The following PPA2 variants were observed in gnomAD, a reference collection of about 807,000 sequenced individuals.
PPA2 encodes inorganic pyrophosphatase 2.
In PPA2, 48 loss-of-function variants were observed where a neutral mutation model predicts 49.5. That is an observed-to-expected ratio of 0.97 (90% confidence interval 0.77 to 1.23). The LOEUF (loss-of-function observed/expected upper bound fraction) is 1.23. Ranked by LOEUF, PPA2 falls within the 50% of genes most tolerant of loss-of-function variation. The pLI is 0.00. For missense variants in PPA2, 429 were observed against 410.1 expected, an observed-to-expected ratio of 1.05 and a Z score of -0.40; for synonymous variants, 131 against 139.9, an observed-to-expected ratio of 0.94 and a Z score of 0.45.
chr4:105,440,836 G>C (rs1027446235), intron 5 of PPA2, among the ~76,000 whole-genome samples: 4 of 152,104 alleles, frequency 2.6e-5, no homozygotes, highest in African/African-American at 9.7e-5. Context: ...CATATGTTGA[G>C]AAATTAAGTA....
At position 105,455,222 on chromosome 4, in the gene PPA2, T is replaced by C. The variant is rs539400595; in HGVS notation, c.222+1459A>G. 2.0e-5 allele frequency among the ~76,000 whole-genome samples: 3 copies of C among 152,270 alleles called. No individual in the cohort carries two copies. The South Asian group carries it at 6.2e-4, about 32-fold the overall frequency. On this transcript the variant is annotated intron_variant, in intron 2 of 11. Coordinates refer to ENST00000341695, the MANE Select transcript of PPA2 (RefSeq NM_176869.3). ...AATGAATAAGTGAATGCATGCACTTTTAGCCAAAAGCAAAGAAAAGTGTTG... is the reference window on the plus strand; with the variant it reads ...AATGAATAAGTGAATGCATGCACTTCTAGCCAAAAGCAAAGAAAAGTGTTG...
At chr4:105,436,101 C>T (rs960227320) in intron 6 of PPA2, among the ~76,000 whole-genome samples, 4 of 152,090 alleles carry the variant, frequency 2.6e-5, no homozygotes, top group Admixed American at 6.6e-5. Flanking sequence ...TAAACAACTT[C>T]GATAAAGTTT....
intron 3 of PPA2, among the ~76,000 whole-genome samples, chr4:105,451,762 T>A (rs1722688244): frequency 6.6e-6 from 1 of 152,104 alleles, no homozygotes; most frequent in Non-Finnish European, 1.5e-5. Flanking sequence ...ATAAATGAGG[T>A]TTGAATTTTA....
At chr4:105,472,391 C>G (rs1723558641) in intron 1 of PPA2, among the ~76,000 whole-genome samples, 1 of 152,208 alleles carries the variant, frequency 6.6e-6, no homozygotes, top group Non-Finnish European at 1.5e-5. Flanking sequence ...AATCTCTGTA[C>G]TATGCCTAAC....
At chr4:105,377,720 T>C (rs1273804919) in intron 10 of PPA2, among the ~76,000 whole-genome samples, 1 of 152,154 alleles carries the variant, frequency 6.6e-6, no homozygotes, top group African/African-American at 2.4e-5. Flanking sequence ...TCCTCCTTCC[T>C]GGCTCTCTCT....
At chr4:105,417,804 G>A (rs549016773) in intron 7 of PPA2, among the ~76,000 whole-genome samples, 2 of 152,116 alleles carry the variant, frequency 1.3e-5, no homozygotes, top group East Asian at 3.9e-4. Flanking sequence ...AAGAGCAAAT[G>A]GTCAGCAATC....
intron 9 of PPA2, among the ~76,000 whole-genome samples, chr4:105,394,479 C>T (rs897067260): frequency 3.3e-5 from 5 of 151,314 alleles, no homozygotes; most frequent in African/African-American, 1.2e-4. Context: ...TTTATGTGGA[C>T]TCAATTTCTT....
intron 10 of PPA2, among the ~76,000 whole-genome samples, chr4:105,376,093 G>C (rs929015290): frequency 6.6e-6 from 1 of 152,118 alleles, no homozygotes; most frequent in South Asian, 2.1e-4. Context: ...TATATTGATG[G>C]ATTCAGCTAA....
intron 10 of PPA2, among the ~76,000 whole-genome samples, chr4:105,385,408 A>G (rs896362772): frequency 1.4e-5 from 2 of 147,456 alleles, no homozygotes; most frequent in Non-Finnish European, 3.0e-5. Flanking sequence ...ACACATCAGT[A>G]AAAAAAAAAC....
At chr4:105,449,459 TC>T in intron 3 of PPA2, 56 bp from the exon 4 acceptor site, 1 of 1,098,962 alleles carries the variant, frequency 9.1e-7, no homozygotes, top group Non-Finnish European at 1.3e-6. Context: ...TTTTATTTTT[TC>T]CGTTACCTCC....
chr4:105,462,308 C>A (rs1435881024), intron 1 of PPA2, among the ~76,000 whole-genome samples: 2 of 152,164 alleles, frequency 1.3e-5, no homozygotes, highest in Non-Finnish European at 2.9e-5. Context: ...ACTTTCTTAT[C>A]CGAAGCTCAG....
intron 10 of PPA2, among the ~76,000 whole-genome samples, chr4:105,373,615 A>G (rs1298825777): frequency 1.3e-5 from 2 of 152,178 alleles, no homozygotes; most frequent in African/African-American, 2.4e-5. Flanking sequence ...GTATTACAGT[A>G]AAGAAATGGG....
At chr4:105,429,053 C>T (rs139558011) in intron 6 of PPA2, among the ~76,000 whole-genome samples, 1 of 152,262 alleles carries the variant, frequency 6.6e-6, no homozygotes, top group African/African-American at 2.4e-5. Context: ...TTTGCTTTCT[C>T]TATTCTGGAG....
chr4:105,459,178 G>C (rs1444755176), intron 1 of PPA2, among the ~76,000 whole-genome samples: 1 of 152,016 alleles, frequency 6.6e-6, no homozygotes, highest in East Asian at 1.9e-4. Context: ...TGTGCACAAC[G>C]TAAGGATAAA....
intron 7 of PPA2, among the ~76,000 whole-genome samples, chr4:105,404,188 AC>A (rs34356806): frequency 0.37 from 56,446 of 151,552 alleles, 12,437 homozygotes; most frequent in East Asian, 0.67. Flanking sequence ...TATACCAAAA[AC>A]AAAGAAAATG....
rs114530586 is a variant in PPA2, at chr4:105,462,864, T to C, written c.158-6119A>G. 4.1e-3 allele frequency among the ~76,000 whole-genome samples: 620 copies of C among 152,352 alleles called. 5 individuals are homozygous for C. The highest frequency in any genetic ancestry group is 5.8e-3 in the Non-Finnish European group (397 of 68,030). ...CTCTCGTCTGCCACCATATGAGACG[T>C]GCCTTTCACCTTCTGCCATGATAGT... On this transcript the variant is annotated intron_variant, in intron 1 of 11. Transcript: ENST00000341695.
At position 105,376,173 on chromosome 4, in the gene PPA2, A is replaced by G. The variant is rs115541346; in HGVS notation, c.940-5300T>C. Among the ~76,000 whole-genome samples, 1,134 of 152,310 alleles carry G rather than the reference A, an allele frequency of 7.4e-3. 11 individuals are homozygous for G. Among genetic ancestry groups the G allele is most frequent in the African/African-American group, 0.023 (945 of 41,578 alleles). ...ATATGCATTTATGGGATGACTGATAACGTTTTGGGATGAAATAGATGGCCA... is the reference window on the plus strand; with the variant it reads ...ATATGCATTTATGGGATGACTGATAGCGTTTTGGGATGAAATAGATGGCCA... On this transcript the variant is annotated intron_variant, in intron 10 of 11. Transcript: ENST00000341695.
rs557328475 is a variant in PPA2 at position 105,443,393 on chromosome 4, G to A, written c.441+2990C>T. Reference sequence around the variant, plus strand: ...AGATTAAAAAGATAAATGGGACCAGGGGCTGGCTTTCATTTTAACAGGGTC... The same window carrying A: ...AGATTAAAAAGATAAATGGGACCAGAGGCTGGCTTTCATTTTAACAGGGTC... On this transcript the variant is annotated intron_variant, in intron 5 of 11. Transcript: ENST00000341695. Among the ~76,000 whole-genome samples, 4 of 150,368 alleles carry A rather than the reference G, an allele frequency of 2.7e-5. No homozygotes were observed. In the East Asian group the frequency reaches 5.9e-4, roughly 22 times the overall value.
At chr4:105,466,750 G>A (rs1391491108) in intron 1 of PPA2, among the ~76,000 whole-genome samples, 9 of 152,198 alleles carry the variant, frequency 5.9e-5, no homozygotes, top group Non-Finnish European at 8.8e-5. Flanking sequence ...ATACTTCCAG[G>A]ATCTTGTGTC....
Sources: allele counts gnomAD v4.1 joint callset (sites outside exome capture counted in the v4.1 genomes callset), GRCh38; gene constraint gnomAD v4.1.1; transcripts MANE v1.5; gene names NCBI Gene and HGNC (gene_info 2026-07-23, HGNC 2026-07-21).